Variants in KAZN observed in about 807,000 individuals in gnomAD.
KAZN encodes kazrin, periplakin interacting protein, also known as kazrin.
In KAZN, 40 loss-of-function variants were observed where a neutral mutation model predicts 87.4. That is an observed-to-expected ratio of 0.46 (90% CI 0.36 to 0.60). The LOEUF is 0.60. Among genes scored for constraint, KAZN ranks in the 20% least tolerant of loss-of-function variants. The probability of loss-of-function intolerance (pLI) is 0.00; values close to 1 mark genes in which losing one functional copy is unlikely to be tolerated. For missense variants in KAZN, 898 were observed against 1,073.9 expected, an observed-to-expected ratio of 0.84 and a Z score of 2.29; for synonymous variants, 466 against 458.3, an observed-to-expected ratio of 1.02 and a Z score of -0.22.
At chr1:15,105,966 C>T (rs920006588) in intron 13 of KAZN, among the ~76,000 whole-genome samples, 3 of 152,200 alleles carry the variant, frequency 2.0e-5, no homozygotes, top group African/African-American at 4.8e-5. Flanking sequence ...GTGCTTCTTA[C>T]AGAGACAATG....
At chr1:13,950,307 T>G (rs1641297292) in intron 1 of KAZN, among the ~76,000 whole-genome samples, 1 of 152,188 alleles carries the variant, frequency 6.6e-6, no homozygotes, top group Admixed American at 6.5e-5. Flanking sequence ...TCACCTCTTC[T>G]GGCATCCCAC....
intron 1 of KAZN, among the ~76,000 whole-genome samples, chr1:14,788,855 G>A (rs1645588898): frequency 6.6e-6 from 1 of 152,104 alleles, no homozygotes; most frequent in Non-Finnish European, 1.5e-5. Flanking sequence ...GAGGCATGTG[G>A]ACAGCCACCT....
chr1:14,010,257 T>C (rs750971463), intron 1 of KAZN, among the ~76,000 whole-genome samples: 12 of 152,184 alleles, frequency 7.9e-5, no homozygotes, highest in Non-Finnish European at 1.5e-4. Flanking sequence ...CTAGGCCTAC[T>C]GTAGAGGAGC....
At chr1:14,279,921 C>T (rs1652707504) in intron 2 of KAZN, among the ~76,000 whole-genome samples, 1 of 152,022 alleles carries the variant, frequency 6.6e-6, no homozygotes, top group African/African-American at 2.4e-5. Flanking sequence ...CGCTGCAGGC[C>T]AAAAACCCCA....
chr1:14,214,825 G>A (rs72644412), intron 2 of KAZN, among the ~76,000 whole-genome samples: 4,783 of 152,310 alleles, frequency 0.031, 111 homozygotes, highest in Middle Eastern at 0.058. Context: ...AATTGCAAGT[G>A]CATTGTGCCC....
rs538605641 is a variant in KAZN at position 14,893,211 on chromosome 1, C to G, written c.227-67473C>G. 2.6e-5 allele frequency among the ~76,000 whole-genome samples: 4 copies of G among 152,002 alleles called. No individual in the cohort carries two copies. In the South Asian group the frequency reaches 8.3e-4, roughly 32 times the overall value. On this transcript the variant is annotated intron_variant, in intron 1 of 14. Coordinates refer to ENST00000376030, the MANE Select transcript of KAZN (RefSeq NM_201628.3). Reference sequence around the variant, plus strand: ...TGAAACCCTGTCTCTACTAAAAATGCGAAATGTAGCTGGGCGTGGTGGCTC... The same window carrying G: ...TGAAACCCTGTCTCTACTAAAAATGGGAAATGTAGCTGGGCGTGGTGGCTC...
chr1:14,421,548 C>T (rs926699352), intron 2 of KAZN, among the ~76,000 whole-genome samples: 6 of 152,162 alleles, frequency 3.9e-5, no homozygotes, highest in Non-Finnish European at 7.4e-5. Context: ...CAGTGGCAAA[C>T]TGTGATTCTG....
intron 2 of KAZN, among the ~76,000 whole-genome samples, chr1:14,402,124 T>TA (rs1663465425): frequency 6.7e-6 from 1 of 150,374 alleles, no homozygotes; most frequent in African/African-American, 2.4e-5. Context: ...TTTTCAGAAC[T>TA]AAAAAAAGCA....
At chr1:14,888,930 T>C (rs1375691794) in intron 1 of KAZN, among the ~76,000 whole-genome samples, 2 of 152,330 alleles carry the variant, frequency 1.3e-5, no homozygotes, top group Non-Finnish European at 1.5e-5. Flanking sequence ...GTCCAATCTT[T>C]TGGCTCCCCT....
At chr1:15,050,024 A>AGTAGGGTAGGGTAGGGTAGG (rs762329299) in intron 4 of KAZN, among the ~76,000 whole-genome samples, 1 of 120,356 alleles carries the variant, frequency 8.3e-6, no homozygotes, top group Non-Finnish European at 1.7e-5. Flanking sequence ...ATCAGAGTAG[A>AGTAGGGTAGGGTAGGGTAGG]GTAGGGTAGG....
chr1:14,469,721 G>C (rs1018108013), intron 2 of KAZN, among the ~76,000 whole-genome samples: 35 of 152,160 alleles, frequency 2.3e-4, no homozygotes, highest in African/African-American at 8.2e-4. Flanking sequence ...TGGATAACAG[G>C]CTTTTCTGGA....
intron 1 of KAZN, among the ~76,000 whole-genome samples, chr1:14,625,249 G>T (rs1161653673): frequency 6.6e-6 from 1 of 152,108 alleles, no homozygotes; most frequent in African/African-American, 2.4e-5. Context: ...ACAGTTCAGA[G>T]GGTAATACCA....
At chr1:14,433,779 G>C (rs1666217970) in intron 2 of KAZN, among the ~76,000 whole-genome samples, 1 of 152,244 alleles carries the variant, frequency 6.6e-6, no homozygotes, top group African/African-American at 2.4e-5. Flanking sequence ...AGAATAGCTT[G>C]AACCCGGGAG....
chr1:15,051,040 T>C (rs545331333), intron 4 of KAZN, among the ~76,000 whole-genome samples: 2 of 152,246 alleles, frequency 1.3e-5, no homozygotes, highest in South Asian at 4.1e-4. Context: ...AAGGTGGCCT[T>C]GTGCCCGCTC....
intron 2 of KAZN, among the ~76,000 whole-genome samples, chr1:14,987,131 A>G (rs765883494): frequency 1.3e-5 from 2 of 152,158 alleles, no homozygotes; most frequent in African/African-American, 2.4e-5. Context: ...ATGGTAATAC[A>G]TACTATGAAG....
intron 6 of KAZN, chr1:15,063,336 G>C (rs943746484): frequency 7.2e-6 from 4 of 556,394 alleles, no homozygotes; most frequent in Non-Finnish European, 1.3e-5. Context: ...GGGGTTGAGA[G>C]GCCAGACTGG....
rs1645284048 is a variant in KAZN, at chr1:14,779,940, G to A, written c.226+180717G>A. 3.3e-5 allele frequency among the ~76,000 whole-genome samples: 5 copies of A among 152,280 alleles called. No homozygotes were observed. The South Asian group carries it at 1.0e-3, about 32-fold the overall frequency. ...TGCTGATGCTAATTGCAGTGTACCT[G>A]GGGTTAATGATGATTTTGCAATAAC... On this transcript the variant is annotated intron_variant, in intron 1 of 14. Coordinates refer to ENST00000376030, the MANE Select transcript of KAZN (RefSeq NM_201628.3).
intron 2 of KAZN, among the ~76,000 whole-genome samples, chr1:14,526,045 T>C (rs1404055279): frequency 6.6e-6 from 1 of 152,220 alleles, no homozygotes; most frequent in African/African-American, 2.4e-5. Flanking sequence ...ATTGTCGTCA[T>C]TATGACTAAG....
rs140267302 is a variant in KAZN, at chr1:14,064,800, T to C, written c.92-115635T>C. On this transcript the variant is annotated intron_variant, in intron 1 of 16. Coordinates refer to the KAZN transcript ENST00000636203. ...GACTGTGCTTCTCCCTCCCCGCTGC[T>C]CGGTGGTGGAGTTTGGGAAGTGGAC... 2.3e-3 allele frequency among the ~76,000 whole-genome samples: 345 copies of C among 152,226 alleles called. 1 individual carries two copies. Among genetic ancestry groups the C allele is most frequent in the African/African-American group, 7.9e-3 (329 of 41,560 alleles).
Sources: gnomAD v4.1 joint callset for allele counts (sites outside exome capture counted in the v4.1 genomes callset) on GRCh38, gnomAD v4.1.1 for gene constraint, MANE v1.5 for transcripts, NCBI Gene and HGNC (gene_info 2026-07-23, HGNC 2026-07-21) for gene names.